EXPH5: variants seen among roughly 807,000 people sequenced by gnomAD.
The protein encoded by EXPH5 is exophilin 5.
A neutral mutation model predicts 41.1 loss-of-function variants in EXPH5; 42 were observed. That is an observed-to-expected ratio of 1.02 (90% CI 0.80 to 1.32). The LOEUF is 1.32. EXPH5 is among the 40% of genes most tolerant of loss of function. EXPH5 has a pLI of 0.00. For synonymous variants in EXPH5, 798 were observed against 833.5 expected (o/e 0.96, Z 0.73); for missense variants, 2,298 against 2,314.5 (o/e 0.99, Z 0.15).
intron 1 of EXPH5, among the ~76,000 whole-genome samples, chr11:108,592,655 T>C (rs1028449921): frequency 3.3e-5 from 5 of 152,234 alleles, no homozygotes; most frequent in African/African-American, 9.6e-5. Context: ...GGTAATTATC[T>C]GTGTCTCTGG....
chr11:108,538,188 A>T (rs993595737), intron 3 of EXPH5: 52 of 985,270 alleles, frequency 5.3e-5, no homozygotes, highest in Non-Finnish European at 5.9e-5. Flanking sequence ...AGCGACAGTG[A>T]CCTCCAACAC....
At chr11:108,554,606 C>T (rs2093982303) in intron 1 of EXPH5, among the ~76,000 whole-genome samples, 1 of 151,936 alleles carries the variant, frequency 6.6e-6, no homozygotes, top group Non-Finnish European at 1.5e-5. Context: ...CCACTCCCAA[C>T]ACAAAAGAGA....
chr11:108,579,734 T>A (rs1349903942), intron 1 of EXPH5, among the ~76,000 whole-genome samples: 8 of 152,176 alleles, frequency 5.3e-5, no homozygotes, highest in Non-Finnish European at 1.0e-4. Context: ...AATTTACTTT[T>A]TTCCCTCTCC....
chr11:108,536,651 T>C (rs1420959900), intron 3 of EXPH5, among the ~76,000 whole-genome samples: 2 of 152,190 alleles, frequency 1.3e-5, no homozygotes, highest in African/African-American at 2.4e-5. Context: ...AGCTTGAAGA[T>C]ACCATATACT....
rs780340273 is a variant in EXPH5 at position 108,512,004 on chromosome 11, G to A, written c.3503C>T (p.Ser1168Leu). The stretch of plus-strand genomic sequence containing the variant: ...GGTTAAAGAACAATCTCTAACAGAT[G>A]AGTCACTTTCCACAGGGCTAATGAT... The part of the protein sequence containing the change: ...ERIISPVESD[S>L]SVRDCSLTKR... Residue 1168 changes from serine (S) to leucine (L), a missense_variant, in exon 6 of 6, where the codon TCA (serine) becomes TTA (leucine). Transcript: ENST00000265843. The A allele has an allele frequency of 1.2e-5, 19 of 1,593,258 alleles. No individual in the cohort carries two copies. The South Asian group carries it at 2.1e-4, about 17-fold the overall frequency.
In EXPH5 at chr11:108,563,164, A is replaced by G. The variant is rs117319483; in HGVS notation, c.120-21352T>C. Among the ~76,000 whole-genome samples the G allele has an allele frequency of 7.2e-3, 1,098 of 152,328 alleles. 9 individuals carry two copies. Among genetic ancestry groups the G allele is most frequent in the Non-Finnish European group, 0.012 (827 of 68,028 alleles). ...AGGGAGCTTAACTGGTACGACTGGA[A>G]GAGCTTAATTTTGTCCCTTGTGGTT... On this transcript the variant is annotated intron_variant, in intron 1 of 5. Transcript: ENST00000265843.
At chr11:108,546,302 G>T (rs1565813532) in intron 1 of EXPH5, among the ~76,000 whole-genome samples, 1 of 152,104 alleles carries the variant, frequency 6.6e-6, no homozygotes, top group Non-Finnish European at 1.5e-5. Flanking sequence ...CATTTTAGAA[G>T]ATCATCCTAG....
chr11:108,569,640 G>A (rs1325403298), intron 1 of EXPH5, among the ~76,000 whole-genome samples: 2 of 152,200 alleles, frequency 1.3e-5, no homozygotes, highest in Non-Finnish European at 2.9e-5. Context: ...CTCCTGGCCT[G>A]AATGTACTGT....
upstream of EXPH5, chr11:108,593,836 C>CGG: frequency 8.3e-7 from 1 of 1,206,552 alleles, no homozygotes; most frequent in South Asian, 1.3e-5. Context: ...TCCCCTCCCT[C>CGG]GTCCCCTCCC....
chr11:108,535,825 G>T (rs113530821), intron 3 of EXPH5, among the ~76,000 whole-genome samples: 4 of 152,272 alleles, frequency 2.6e-5, no homozygotes, highest in African/African-American at 9.6e-5. Flanking sequence ...AGTAGGGAGG[G>T]CATCACTGGA....
At chr11:108,555,111 T>C (rs1199280650) in intron 1 of EXPH5, among the ~76,000 whole-genome samples, 1 of 152,218 alleles carries the variant, frequency 6.6e-6, no homozygotes, top group African/African-American at 2.4e-5. Context: ...ACAGCTTAGA[T>C]GGCAAGCTCA....
At chr11:108,550,352 C>A (rs1034004014) in intron 1 of EXPH5, among the ~76,000 whole-genome samples, 4 of 152,182 alleles carry the variant, frequency 2.6e-5, no homozygotes, top group African/African-American at 9.7e-5. Flanking sequence ...CATCTTAGAC[C>A]ATCCAGACCC....
At chr11:108,526,732 A>C (rs191016907) in intron 4 of EXPH5, among the ~76,000 whole-genome samples, 127 of 152,338 alleles carry the variant, frequency 8.3e-4, no homozygotes, top group Non-Finnish European at 1.2e-3. Context: ...GTGGAGTTCC[A>C]AAAACCCAGG....
rs746740374 is a variant in EXPH5 at position 108,511,575 on chromosome 11, C to A, written c.3932G>T (p.Cys1311Phe). 7.4e-6 allele frequency: 12 copies of A among 1,613,348 alleles called. No homozygotes were observed. In the South Asian group the frequency reaches 1.2e-4, roughly 16 times the overall value. Residue 1311 changes from cysteine (C) to phenylalanine (F), a missense_variant, in exon 6 of 6, where the codon TGT becomes TTT. Physicochemically the swap from Cys to Phe is radical, Grantham distance 205. Coordinates refer to ENST00000265843, the MANE Select transcript of EXPH5 (RefSeq NM_015065.3). ...GTTGACGGACATCTTTAGATTTTCA[C>A]ATGAAGGTGTTCCTGACTGCTCTCG... ...STREQSGTPS[C>F]ENLKMSVNSD...
chr11:108,557,212 T>C (rs1021737941), intron 1 of EXPH5, among the ~76,000 whole-genome samples: 1 of 152,134 alleles, frequency 6.6e-6, no homozygotes, highest in Admixed American at 6.5e-5. Flanking sequence ...TTTTGTTTGT[T>C]TGTTTGCTTG....
intron 5 of EXPH5, 117 bp from the exon 6 acceptor site, chr11:108,514,992 T>C (rs2093715166): frequency 1.9e-6 from 1 of 528,750 alleles, no homozygotes. Flanking sequence ...ATTTTTATCA[T>C]ATTATCATGT....
At chr11:108,588,541 T>C (rs1456758006) in intron 1 of EXPH5, among the ~76,000 whole-genome samples, 1 of 152,210 alleles carries the variant, frequency 6.6e-6, no homozygotes, top group Non-Finnish European at 1.5e-5. Context: ...ACTTACCCTT[T>C]CTAAGCTTCC....
chr11:108,604,429 A>T, the EXPH5 span, among the ~76,000 whole-genome samples: 1 of 151,822 alleles, frequency 6.6e-6, no homozygotes, highest in Non-Finnish European at 1.5e-5. Flanking sequence ...AGGGCTGGAT[A>T]TTTTTGCCAA....
chr11:108,555,740 A>G (rs968077471), intron 1 of EXPH5, among the ~76,000 whole-genome samples: 4 of 152,240 alleles, frequency 2.6e-5, no homozygotes, highest in African/African-American at 9.6e-5. Flanking sequence ...ATGGTTTTAT[A>G]AGGGGTTTAT....
Sources: gnomAD v4.1 joint callset for allele counts (sites outside exome capture counted in the v4.1 genomes callset) on GRCh38, gnomAD v4.1.1 for gene constraint, MANE v1.5 for transcripts, NCBI Gene and HGNC (gene_info 2026-07-23, HGNC 2026-07-21) for gene names.